GSAP: variants seen among roughly 807,000 people sequenced by gnomAD.
GSAP encodes gamma-secretase-activating protein.
Under a neutral mutation model 131.7 loss-of-function variants are expected in GSAP, and 118 were observed. The ratio of observed to expected loss-of-function variants is 0.90; its 90% CI spans 0.77 to 1.04. The LOEUF (loss-of-function observed/expected upper bound fraction) is 1.04. Ranked by LOEUF, GSAP falls within the 50% of genes least tolerant of loss-of-function variation. The pLI is 0.00. For missense variants in GSAP, 1,019 were observed against 1,013.2 expected (o/e 1.01, Z -0.08); for synonymous variants, 381 against 363.4 (o/e 1.05, Z -0.55).
chr7:77,410,431 C>CAGT (rs1187817851), intron 1 of GSAP, among the ~76,000 whole-genome samples: 3 of 152,180 alleles, frequency 2.0e-5, no homozygotes. Context: ...ACTCTTCTCC[C>CAGT]AGTAGTTCAT....
chr7:77,330,162 T>C, intron 20 of GSAP, 77 bp downstream of exon 20: 1 of 1,490,268 alleles, frequency 6.7e-7, no homozygotes, highest in Non-Finnish European at 9.0e-7. Flanking sequence ...GAAGCCAGCC[T>C]TATGATTTAA....
chr7:77,383,664 C>T (rs754277876), intron 6 of GSAP, among the ~76,000 whole-genome samples: 20 of 152,186 alleles, frequency 1.3e-4, no homozygotes, highest in Non-Finnish European at 2.5e-4. Flanking sequence ...GTCCTGACCC[C>T]GTCGGCTGTG....
chr7:77,361,653 T>C (rs932949869), intron 13 of GSAP, among the ~76,000 whole-genome samples: 4 of 152,226 alleles, frequency 2.6e-5, no homozygotes, highest in Admixed American at 2.6e-4. Context: ...AAAATCTTTA[T>C]CTTTAAAAAA....
chr7:77,340,693 C>A (rs548821260), intron 19 of GSAP, among the ~76,000 whole-genome samples: 3 of 152,202 alleles, frequency 2.0e-5, no homozygotes, highest in Non-Finnish European at 2.9e-5. Context: ...GGTGTTTAAT[C>A]GCTGCGGGGA....
chr7:77,400,131 C>A (rs566579656), intron 3 of GSAP, among the ~76,000 whole-genome samples: 1 of 152,184 alleles, frequency 6.6e-6, no homozygotes, highest in Non-Finnish European at 1.5e-5. Flanking sequence ...AACTTAGACT[C>A]CCACCTTTGC....
chr7:77,329,484 CA>C, intron 20 of GSAP, 93 bp from the exon 21 acceptor site: 1 of 559,496 alleles, frequency 1.8e-6, no homozygotes. Flanking sequence ...TTAAGAGCAT[CA>C]GAGAGAAGAA....
chr7:77,403,293 A>G (rs1801681426), intron 3 of GSAP, among the ~76,000 whole-genome samples: 3 of 152,162 alleles, frequency 2.0e-5, no homozygotes, highest in Non-Finnish European at 1.5e-5. Context: ...CTCAATGCTT[A>G]TTTGTTGGAT....
intron 12 of GSAP, among the ~76,000 whole-genome samples, chr7:77,373,216 G>A (rs534830001): frequency 1.3e-5 from 2 of 152,234 alleles, no homozygotes; most frequent in South Asian, 4.1e-4. Context: ...AATACTAAGT[G>A]TGCACTTATG....
chr7:77,358,381 A>C lies in GSAP; in HGVS notation c.1027+2443T>G, dbSNP rs376558799. Among the ~76,000 whole-genome samples, 3 of 152,320 alleles carry C rather than the reference A, an allele frequency of 2.0e-5. 1 individual carries two copies. Among genetic ancestry groups the C allele is most frequent in the Admixed American group, 6.5e-5 (1 of 15,298 alleles). On this transcript the variant is annotated intron_variant, in intron 14 of 30. Transcript: ENST00000257626. ...AAAGTTTGCTGGGAAGATTTGATGA[A>C]ATAACTCTGTATAAATTTGTTATAT...
intron 5 of GSAP, among the ~76,000 whole-genome samples, chr7:77,393,237 T>C (rs1028868049): frequency 6.6e-6 from 1 of 152,214 alleles, no homozygotes; most frequent in Non-Finnish European, 1.5e-5. Context: ...TAAGGCCATT[T>C]GATGGACAGA....
intron 25 of GSAP, 47 bp from the exon 26 acceptor site, chr7:77,320,866 T>A: frequency 8.8e-7 from 1 of 1,137,766 alleles, no homozygotes; most frequent in Non-Finnish European, 1.3e-6. Flanking sequence ...AGCTCATCTG[T>A]GATGCTCCAT....
In GSAP at chr7:77,323,647, C is replaced by T; in HGVS notation, c.1923G>A (p.Leu641=). The T allele has an allele frequency of 6.4e-7, 1 of 1,550,444 alleles. No individual in the cohort carries two copies. The highest frequency in any genetic ancestry group is 8.9e-7 in the Non-Finnish European group (1 of 1,126,164). ...EQMVLDYISK[L]LDLICHIVET... ...GAGGAGAATAAAAAGCAAGACCAAC[C>T]AGTTTTGAAATGTAGTCCAGAACCA... is the stretch of plus-strand genomic sequence containing the variant. The change falls in exon 24 of 31, where the codon CTG becomes CTA. Residue 641 remains leucine (L), a splice_region_variant and synonymous_variant. Coordinates refer to ENST00000257626, the MANE Select transcript of GSAP (RefSeq NM_017439.4).
At chr7:77,394,564 A>G (rs368105164) in intron 5 of GSAP, among the ~76,000 whole-genome samples, 32 of 152,326 alleles carry the variant, frequency 2.1e-4, no homozygotes, top group Non-Finnish European at 4.3e-4. Flanking sequence ...AGGGAGCAAT[A>G]TAACTCTAGG....
chr7:77,386,269 C>A (rs1798552013), intron 6 of GSAP, among the ~76,000 whole-genome samples: 1 of 152,132 alleles, frequency 6.6e-6, no homozygotes, highest in South Asian at 2.1e-4. Context: ...CCACTTTATA[C>A]AATAAAATAG....
intron 12 of GSAP, among the ~76,000 whole-genome samples, chr7:77,371,464 T>C (rs1196604340): frequency 6.7e-6 from 1 of 149,246 alleles, no homozygotes; most frequent in African/African-American, 2.5e-5. Context: ...AGACAGAGTC[T>C]TGCTCTGTTG....
intron 19 of GSAP, among the ~76,000 whole-genome samples, chr7:77,346,485 A>C: frequency 6.6e-6 from 1 of 151,368 alleles, no homozygotes. Flanking sequence ...GGATGGCTTT[A>C]GCTTAGGAGT....
intron 19 of GSAP, among the ~76,000 whole-genome samples, chr7:77,333,212 G>T (rs1789425313): frequency 6.6e-6 from 1 of 152,166 alleles, no homozygotes; most frequent in African/African-American, 2.4e-5. Context: ...GGTCTATTTG[G>T]AAACTTGGAA....
At chr7:77,349,710 G>T (rs1019846304) in intron 18 of GSAP, among the ~76,000 whole-genome samples, 5 of 152,128 alleles carry the variant, frequency 3.3e-5, no homozygotes, top group Non-Finnish European at 4.4e-5. Flanking sequence ...ATTAAAGAAC[G>T]AATGAGGCAA....
At chr7:77,390,827 T>C (rs113419596) in intron 5 of GSAP, among the ~76,000 whole-genome samples, 26 of 151,238 alleles carry the variant, frequency 1.7e-4, no homozygotes, top group African/African-American at 5.8e-4. Context: ...CACACGCCTG[T>C]AGTCCCAGCT....
Sources: allele counts gnomAD v4.1 joint callset (sites outside exome capture counted in the v4.1 genomes callset), GRCh38; gene constraint gnomAD v4.1.1; transcripts MANE v1.5; gene names NCBI Gene and HGNC (gene_info 2026-07-23, HGNC 2026-07-21).